Variants in SLC24A2 observed in about 807,000 individuals in gnomAD.
SLC24A2 encodes sodium/potassium/calcium exchanger 2.
SLC24A2 carries 36 observed loss-of-function variants against 62.0 expected under a neutral mutation model. The ratio of observed to expected loss-of-function variants is 0.58; its 90% CI spans 0.44 to 0.77. The LOEUF (loss-of-function observed/expected upper bound fraction) is 0.77. SLC24A2 is among the 30% of genes least tolerant of loss of function. The probability of loss-of-function intolerance (pLI) is 0.00; values close to 1 mark genes in which losing one functional copy is unlikely to be tolerated. For synonymous variants in SLC24A2, 358 were observed against 294.0 expected (o/e 1.22, Z -2.23); for missense variants, 846 against 817.9 (o/e 1.03, Z -0.42).
chr9:20,300,241 G>A, the SLC24A2 span, among the ~76,000 whole-genome samples: 1 of 152,158 alleles, frequency 6.6e-6, no homozygotes. Flanking sequence ...ATCCCCTTGA[G>A]CATTTATCCT....
chr9:20,182,733 G>A, the SLC24A2 span, among the ~76,000 whole-genome samples: 37 of 152,214 alleles, frequency 2.4e-4, 1 homozygote, highest in African/African-American at 8.4e-4. Flanking sequence ...GTATACCTAC[G>A]TAACAAACCT....
the SLC24A2 span, among the ~76,000 whole-genome samples, chr9:20,017,887 T>C: frequency 6.6e-6 from 1 of 152,214 alleles, no homozygotes; most frequent in Non-Finnish European, 1.5e-5. Flanking sequence ...CCCAATCCAC[T>C]GACTCAAATG....
the SLC24A2 span, among the ~76,000 whole-genome samples, chr9:20,279,273 G>A: frequency 2.0e-5 from 3 of 152,214 alleles, no homozygotes; most frequent in East Asian, 1.9e-4. Flanking sequence ...GCTCATGCCT[G>A]TAATCCCAGC....
the SLC24A2 span, among the ~76,000 whole-genome samples, chr9:20,172,698 T>A: frequency 1.3e-5 from 2 of 151,740 alleles, no homozygotes; most frequent in Non-Finnish European, 2.9e-5. Context: ...GAATTTAACA[T>A]GAAATAAAAA....
At chr9:19,975,407 G>T in the SLC24A2 span, among the ~76,000 whole-genome samples, 2 of 152,044 alleles carry the variant, frequency 1.3e-5, no homozygotes, top group African/African-American at 4.8e-5. Context: ...TATACTTCTT[G>T]TCCATCTCGT....
intron 2 of SLC24A2, among the ~76,000 whole-genome samples, chr9:19,645,780 T>C (rs1222736266): frequency 1.3e-5 from 2 of 152,246 alleles, no homozygotes; most frequent in East Asian, 3.8e-4. Flanking sequence ...TGTTTGACTA[T>C]GAATCACAAC....
the SLC24A2 span, among the ~76,000 whole-genome samples, chr9:20,117,690 C>T: frequency 2.6e-5 from 4 of 152,078 alleles, no homozygotes; most frequent in Admixed American, 1.3e-4. Flanking sequence ...ACCTAGTAAA[C>T]GGTGCCAGGT....
At chr9:19,627,415 T>C (rs1012141541) in intron 2 of SLC24A2, among the ~76,000 whole-genome samples, 1 of 152,212 alleles carries the variant, frequency 6.6e-6, no homozygotes, top group African/African-American at 2.4e-5. Flanking sequence ...AAGAACAATT[T>C]GGAATATGGA....
intron 2 of SLC24A2, among the ~76,000 whole-genome samples, chr9:19,715,745 A>G (rs1263860909): frequency 6.6e-6 from 1 of 152,202 alleles, no homozygotes; most frequent in Non-Finnish European, 1.5e-5. Context: ...GCAATTGGCA[A>G]TTTTTATACA....
chr9:19,663,511 C>A (rs1231073304), intron 2 of SLC24A2, among the ~76,000 whole-genome samples: 1 of 152,128 alleles, frequency 6.6e-6, no homozygotes, highest in African/African-American at 2.4e-5. Flanking sequence ...AAGATGCCTC[C>A]TGACTTGTCA....
the SLC24A2 span, among the ~76,000 whole-genome samples, chr9:20,287,443 T>C: frequency 6.6e-6 from 1 of 152,112 alleles, no homozygotes. Context: ...TCAACTCCCC[T>C]GGGGTGAGGT....
the SLC24A2 span, among the ~76,000 whole-genome samples, chr9:20,284,871 A>G: frequency 6.6e-6 from 1 of 152,238 alleles, no homozygotes; most frequent in Non-Finnish European, 1.5e-5. Context: ...GTACATGTTT[A>G]AAGACATTCA....
chr9:19,545,917 G>T (rs74429472), intron 8 of SLC24A2, among the ~76,000 whole-genome samples: 1 of 152,146 alleles, frequency 6.6e-6, no homozygotes, highest in Admixed American at 6.5e-5. Flanking sequence ...GATTACAGCC[G>T]TGAGCCACTG....
chr9:19,551,061 T>G (rs1243718737), intron 7 of SLC24A2, among the ~76,000 whole-genome samples: 2 of 152,078 alleles, frequency 1.3e-5, no homozygotes, highest in South Asian at 2.1e-4. Flanking sequence ...TAAGGAACAT[T>G]AGGACTGATT....
the SLC24A2 span, among the ~76,000 whole-genome samples, chr9:20,014,517 T>C: frequency 4.0e-3 from 589 of 148,452 alleles, 6 homozygotes; most frequent in African/African-American, 0.013. Context: ...TATATATATA[T>C]ACACACACAC....
At chr9:19,781,002 A>C (rs1823002287) in intron 2 of SLC24A2, among the ~76,000 whole-genome samples, 1 of 152,156 alleles carries the variant, frequency 6.6e-6, no homozygotes, top group African/African-American at 2.4e-5. Flanking sequence ...AATAAATAGA[A>C]AGTATACAAT....
At chr9:19,582,803 CCT>C (rs1214007980) in intron 5 of SLC24A2, among the ~76,000 whole-genome samples, 1 of 152,072 alleles carries the variant, frequency 6.6e-6, no homozygotes, top group Non-Finnish European at 1.5e-5. Flanking sequence ...CCTGGGCTCC[CCT>C]GTTTCTCTCA....
chr9:20,063,435 T>G, the SLC24A2 span, among the ~76,000 whole-genome samples: 5 of 133,824 alleles, frequency 3.7e-5, no homozygotes, highest in African/African-American at 1.4e-4. Context: ...AGGTGGGAAT[T>G]GAACAATGAG....
intron 2 of SLC24A2, among the ~76,000 whole-genome samples, chr9:19,740,406 A>C (rs1231420861): frequency 6.6e-6 from 1 of 152,232 alleles, no homozygotes; most frequent in African/African-American, 2.4e-5. Context: ...ATAAAAATAA[A>C]ACTATGGCTA....
Sources: allele counts gnomAD v4.1 joint callset (sites outside exome capture counted in the v4.1 genomes callset), GRCh38; gene constraint gnomAD v4.1.1; transcripts MANE v1.5; gene names NCBI Gene and HGNC (gene_info 2026-07-23, HGNC 2026-07-21).